Variants in EDA observed in about 807,000 individuals in gnomAD.
EDA encodes ectodysplasin-A.
A neutral mutation model predicts 23.6 loss-of-function variants in EDA; 2 were observed. The ratio of observed to expected loss-of-function variants is 0.08; its 90% confidence interval spans 0.03 to 0.27. The LOEUF (loss-of-function observed/expected upper bound fraction) is 0.27, where lower values mean the gene tolerates loss of function less well. EDA is among the 10% of genes least tolerant of loss of function. EDA has a pLI of 1.00. For missense variants in EDA, 229 were observed against 324.2 expected (o/e 0.71, Z 2.26); for synonymous variants, 131 against 132.0 (o/e 0.99, Z 0.05).
intron 1 of EDA, among the ~76,000 whole-genome samples, chrX:69,895,287 G>A (rs755747656): frequency 9.1e-6 from 1 of 109,689 alleles, no homozygotes; most frequent in Non-Finnish European, 1.9e-5. Flanking sequence ...CTATTACGAT[G>A]AGGGGATGAG....
intron 1 of EDA, among the ~76,000 whole-genome samples, chrX:69,714,603 C>G (rs757459202): frequency 2.1e-4 from 24 of 111,649 alleles, no homozygotes; most frequent in African/African-American, 7.8e-4. Flanking sequence ...TTCAGGGTTA[C>G]TTTACTTGCC....
intron 1 of EDA, among the ~76,000 whole-genome samples, chrX:69,678,729 C>T (rs1222753009): frequency 4.1e-4 from 42 of 101,647 alleles, no homozygotes; most frequent in Admixed American, 2.5e-3. Flanking sequence ...TGGGCTGAGA[C>T]AATGGGGTTT....
chrX:69,808,882 C>T (rs749360361), intron 1 of EDA, among the ~76,000 whole-genome samples: 59 of 111,916 alleles, frequency 5.3e-4, no homozygotes, highest in Non-Finnish European at 8.5e-4. Flanking sequence ...ATTAAGGTTG[C>T]AGTAGCCCAC....
At chrX:69,966,225 A>G (rs1371593503) in intron 2 of EDA, among the ~76,000 whole-genome samples, 2 of 111,563 alleles carry the variant, frequency 1.8e-5, no homozygotes, top group Admixed American at 1.9e-4. Context: ...TCTCTCTGGT[A>G]AAGTTAAACA....
At chrX:69,903,602 C>T (rs1429679547) in intron 1 of EDA, among the ~76,000 whole-genome samples, 3 of 108,767 alleles carry the variant, frequency 2.8e-5, no homozygotes, top group South Asian at 4.0e-4. Context: ...CATAAACACA[C>T]ACACACACAC....
At chrX:70,031,794 A>G (rs2020203491) in intron 6 of EDA, among the ~76,000 whole-genome samples, 1 of 112,718 alleles carries the variant, frequency 8.9e-6, no homozygotes, top group African/African-American at 3.2e-5. Flanking sequence ...CCACCTGTCC[A>G]GGGAGGCCAG....
At chrX:70,033,352 G>T (rs372510206) in intron 6 of EDA, 46 bp from the exon 7 acceptor site, 1 of 1,208,964 alleles carries the variant, frequency 8.3e-7, no homozygotes, top group African/African-American at 1.7e-5. Flanking sequence ...CTGTTGCCTC[G>T]ATTATTCTGA....
chrX:69,995,126 A>C (rs747389671), intron 2 of EDA, among the ~76,000 whole-genome samples: 7 of 112,117 alleles, frequency 6.2e-5, no homozygotes, highest in Admixed American at 4.7e-4. Flanking sequence ...TGGAAAGCCA[A>C]AATCCCTGCT....
intron 1 of EDA, among the ~76,000 whole-genome samples, chrX:69,711,144 C>G (rs1602321688): frequency 9.0e-6 from 1 of 111,076 alleles, no homozygotes; most frequent in African/African-American, 3.3e-5. Context: ...ATAGATAGCT[C>G]TTATTATTTT....
At chrX:69,777,144 T>TTTGTTGTTGTTGTTG (rs140366037) in intron 1 of EDA, among the ~76,000 whole-genome samples, 48 of 106,793 alleles carry the variant, frequency 4.5e-4, no homozygotes, top group African/African-American at 1.6e-3. Flanking sequence ...GATTCTGGGT[T>TTTGTTGTTGTTGTTG]TTGTTGTTGT....
chrX:69,892,447 G>A (rs766034820), intron 1 of EDA, among the ~76,000 whole-genome samples: 1 of 110,355 alleles, frequency 9.1e-6, no homozygotes, highest in South Asian at 3.9e-4. Context: ...TTTTTTTTTA[G>A]ACACAAACTA....
At chrX:69,828,334 G>A (rs1019585022) in intron 1 of EDA, among the ~76,000 whole-genome samples, 1 of 112,301 alleles carries the variant, frequency 8.9e-6, no homozygotes, top group Non-Finnish European at 1.9e-5. Flanking sequence ...TCAGACTGCT[G>A]TGCTAGCAAT....
At chrX:69,681,623 A>G (rs1414647177) in intron 1 of EDA, among the ~76,000 whole-genome samples, 1 of 110,487 alleles carries the variant, frequency 9.1e-6, no homozygotes, top group Non-Finnish European at 1.9e-5. Context: ...TCGGCTCCTG[A>G]GGCTTCTGCA....
At chrX:69,643,004 C>T (rs1045039767) in intron 1 of EDA, among the ~76,000 whole-genome samples, 7 of 111,190 alleles carry the variant, frequency 6.3e-5, no homozygotes, top group Admixed American at 9.6e-5. Flanking sequence ...CTCCTATTTT[C>T]GACCTTAGTA....
At chrX:69,620,002 C>T (rs925417144) in intron 1 of EDA, among the ~76,000 whole-genome samples, 2 of 111,617 alleles carry the variant, frequency 1.8e-5, no homozygotes, top group African/African-American at 6.5e-5. Flanking sequence ...CCTCAAAAAC[C>T]CCATTAAATT....
intron 1 of EDA, among the ~76,000 whole-genome samples, chrX:69,860,203 A>T (rs536140286): frequency 1.8e-5 from 2 of 111,016 alleles, no homozygotes; most frequent in Non-Finnish European, 3.8e-5. Flanking sequence ...GTGTCTTTTA[A>T]TTGGGGTGTT....
intron 1 of EDA, among the ~76,000 whole-genome samples, chrX:69,681,181 G>T (rs767630886): frequency 2.9e-4 from 32 of 110,969 alleles, no homozygotes; most frequent in Admixed American, 8.6e-4. Context: ...GAGTTTCTGC[G>T]GAGAGATCTG....
At chrX:69,751,416 T>G (rs1208743491) in intron 1 of EDA, among the ~76,000 whole-genome samples, 1 of 112,658 alleles carries the variant, frequency 8.9e-6, no homozygotes, top group Non-Finnish European at 1.9e-5. Flanking sequence ...CATGCTGTTT[T>G]GGTTACGGTG....
intron 1 of EDA, among the ~76,000 whole-genome samples, chrX:69,932,514 T>A (rs1375728819): frequency 9.0e-6 from 1 of 111,618 alleles, no homozygotes; most frequent in East Asian, 2.8e-4. Flanking sequence ...TATTCTTTAG[T>A]TGGCTTCTTG....
Sources: allele counts gnomAD v4.1 joint callset (sites outside exome capture counted in the v4.1 genomes callset), GRCh38; gene constraint gnomAD v4.1.1; transcripts MANE v1.5; gene names NCBI Gene and HGNC (gene_info 2026-07-23, HGNC 2026-07-21).